The following LYG2 variants were observed in gnomAD, a reference collection of about 807,000 sequenced individuals.
LYG2 encodes the protein lysozyme g-like protein 2.
LYG2 carries 25 observed loss-of-function variants against 22.4 expected under a neutral mutation model. The observed-to-expected ratio is 1.12, with a 90% CI of 0.81 to 1.56. The LOEUF is 1.56. LYG2 is among the 40% of genes most tolerant of loss of function. LYG2 has a pLI of 0.00. For synonymous variants in LYG2, 88 were observed against 97.0 expected, an observed-to-expected ratio of 0.91 and a Z score of 0.55; for missense variants, 266 against 269.5, an observed-to-expected ratio of 0.99 and a Z score of 0.09.
Position 99,245,435 on chromosome 2 carries a change from C to A in LYG2, c.208G>T (p.Ala70Ser). The change falls in exon 5 of 7, where the codon GCT becomes TCT. Residue 70 changes from alanine (A) to serine (S), a missense_variant. Transcript: ENST00000333017. ...TTTATGGCCCTCAAATCCATCTCAGCAAACATTTCAGAACCACGGATCCCT... is the reference window on the plus strand; with the variant it reads ...TTTATGGCCCTCAAATCCATCTCAGAAAACATTTCAGAACCACGGATCCCT... ...NCGIRGSEMF[A>S]EMDLRAIKPY... 6.2e-7 allele frequency: 1 copy of A among 1,608,750 alleles called. No individual in the cohort carries two copies.
chr2:99,251,005 G>C (rs760374614), intron 3 of LYG2, among the ~76,000 whole-genome samples: 6 of 152,140 alleles, frequency 3.9e-5, no homozygotes, highest in Non-Finnish European at 5.9e-5. Flanking sequence ...AGAAAGGTAA[G>C]AAAATACAAT....
chr2:99,243,398 C>T, intron 6 of LYG2: 3 of 1,546,762 alleles, frequency 1.9e-6, no homozygotes, highest in Non-Finnish European at 2.6e-6. Context: ...ACCTGAAGTC[C>T]CGAAAATACT....
At chr2:99,255,308 T>C (rs2094034310) in intron 1 of LYG2, 171 bp from the exon 2 acceptor site, 1 of 152,188 alleles carries the variant, frequency 6.6e-6, no homozygotes. Context: ...AGGAGCTTTA[T>C]ATATGGTTTA....
At chr2:99,247,341 T>C (rs2094017850) in intron 3 of LYG2, among the ~76,000 whole-genome samples, 1 of 152,192 alleles carries the variant, frequency 6.6e-6, no homozygotes, top group Admixed American at 6.5e-5. Flanking sequence ...TCCTCTCTCC[T>C]TGGCCTCCCA....
intron 3 of LYG2, among the ~76,000 whole-genome samples, chr2:99,249,544 C>G (rs1298451184): frequency 1.3e-5 from 2 of 151,950 alleles, no homozygotes; most frequent in Non-Finnish European, 2.9e-5. Context: ...AGGCGGATCA[C>G]CTGAGGTCGG....
intron 3 of LYG2, among the ~76,000 whole-genome samples, chr2:99,252,459 A>G (rs1416427022): frequency 6.6e-6 from 1 of 151,982 alleles, no homozygotes; most frequent in Non-Finnish European, 1.5e-5. Context: ...TCCTCTCACT[A>G]GAAGATAAAT....
chr2:99,254,409 AAGATAGTATTCTCACAGGCTC>A (rs138844118), intron 2 of LYG2, 124 bp from the exon 3 acceptor site: 128,400 of 697,920 alleles, frequency 0.18, 12,577 homozygotes, highest in East Asian at 0.25. Flanking sequence ...TCCCTGTTTC[AAGATAGTATTCTCACAGGCTC>A]AGTACATAGT....
At chr2:99,249,761 C>CAAAAAA (rs70940156) in intron 3 of LYG2, among the ~76,000 whole-genome samples, 4 of 65,296 alleles carry the variant, frequency 6.1e-5, no homozygotes, top group Non-Finnish European at 1.1e-4. Context: ...AACTCTGTCT[C>CAAAAAA]AAAAAAAAAA....
chr2:99,260,994 C>CAGCTGAA, the LYG2 span, among the ~76,000 whole-genome samples: 1 of 152,176 alleles, frequency 6.6e-6, no homozygotes, highest in African/African-American at 2.4e-5. Context: ...ATTGGAGAGA[C>CAGCTGAA]AGCTGAAAGA....
chr2:99,253,625 C>T (rs1005794061), intron 3 of LYG2, among the ~76,000 whole-genome samples: 2 of 152,148 alleles, frequency 1.3e-5, no homozygotes, highest in South Asian at 2.1e-4. Flanking sequence ...GAAACCCCCT[C>T]GTCTGTCCAG....
intron 6 of LYG2, chr2:99,243,562 G>T (rs2094010359): frequency 5.1e-6 from 7 of 1,359,648 alleles, no homozygotes; most frequent in African/African-American, 1.4e-5. Flanking sequence ...GAGAGATGGG[G>T]TCTCACTCTG....
chr2:99,243,761 G>C (rs2094010788), intron 6 of LYG2: 1 of 460,114 alleles, frequency 2.2e-6, no homozygotes, highest in African/African-American at 2.3e-5. Context: ...TCACTCAATA[G>C]CTCAGTAAGC....
At chr2:99,255,370 T>G (rs2094034413) in intron 1 of LYG2, 1 of 152,150 alleles carries the variant, frequency 6.6e-6, no homozygotes, top group Non-Finnish European at 1.5e-5. Flanking sequence ...TAATAGTACT[T>G]AGGACTTAGG....
chr2:99,250,551 T>A (rs751301003), intron 3 of LYG2, among the ~76,000 whole-genome samples: 20 of 152,138 alleles, frequency 1.3e-4, no homozygotes, highest in Non-Finnish European at 2.8e-4. Context: ...ATTTTTTGTA[T>A]TTTTAGTAGA....
At chr2:99,250,373 C>CTTTT (rs531807991) in intron 3 of LYG2, among the ~76,000 whole-genome samples, 4 of 130,378 alleles carry the variant, frequency 3.1e-5, no homozygotes, top group Non-Finnish European at 6.5e-5. Context: ...TTTTCCAACT[C>CTTTT]TTTTTTTTTT....
At chr2:99,244,582 GGC>G (rs1446883381) in intron 5 of LYG2, among the ~76,000 whole-genome samples, 1 of 151,982 alleles carries the variant, frequency 6.6e-6, no homozygotes, top group African/African-American at 2.4e-5. Flanking sequence ...TTTCAAGTAG[GGC>G]ACAGTTATAC....
intron 2 of LYG2, among the ~76,000 whole-genome samples, chr2:99,254,599 T>A (rs559839480): frequency 1.3e-3 from 189 of 149,032 alleles, no homozygotes; most frequent in Middle Eastern, 0.01. Flanking sequence ...CCTTTCTTTT[T>A]AAAAAAAAAA....
chr2:99,247,167 G>A lies in LYG2; in HGVS notation c.44-347C>T, dbSNP rs566364733. On this transcript the variant is annotated intron_variant, in intron 3 of 6. Transcript: ENST00000333017. ...GAGTGCAGTGGCATGATCATAGCTCGCTGCAGGCACCAACACCTGGGCTCA... is the reference window on the plus strand; with the variant it reads ...GAGTGCAGTGGCATGATCATAGCTCACTGCAGGCACCAACACCTGGGCTCA... Among the ~76,000 whole-genome samples, 81 of 151,806 alleles carry A rather than the reference G, an allele frequency of 5.3e-4. 2 individuals are homozygous for A. The South Asian group carries it at 0.016, about 30-fold the overall frequency.
rs1305639557 is a variant in LYG2, at chr2:99,242,346, C to A, written c.*18G>T. The A allele has an allele frequency of 6.5e-7, 1 of 1,548,042 alleles. No homozygotes were observed. The highest frequency in any genetic ancestry group is 1.7e-5 in the Admixed American group (1 of 58,164). On this transcript the variant is annotated 3_prime_UTR_variant, in exon 7 of 7. Coordinates refer to ENST00000333017, the MANE Select transcript of LYG2 (RefSeq NM_175735.4). The stretch of plus-strand genomic sequence containing the variant: ...CATCTGAGCACTCTGCCAACCTGGC[C>A]CACCCACAGAGCTTTGCCTAGAAGC...
Sources: allele counts gnomAD v4.1 joint callset (sites outside exome capture counted in the v4.1 genomes callset), GRCh38; gene constraint gnomAD v4.1.1; transcripts MANE v1.5; gene names NCBI Gene and HGNC (gene_info 2026-07-23, HGNC 2026-07-21).